Variants in ARHGAP26 observed in about 807,000 individuals in gnomAD.
The protein encoded by ARHGAP26 is rho GTPase-activating protein 26.
Under a neutral mutation model 104.8 loss-of-function variants are expected in ARHGAP26, and 38 were observed. That is an observed-to-expected ratio of 0.36 (90% CI 0.28 to 0.48). ARHGAP26 has a LOEUF of 0.48. ARHGAP26 is among the 20% of genes least tolerant of loss of function. The pLI is 0.99. For missense variants in ARHGAP26, 704 were observed against 947.9 expected, an observed-to-expected ratio of 0.74 and a Z score of 3.38; for synonymous variants, 341 against 340.0, an observed-to-expected ratio of 1.00 and a Z score of -0.03.
At chr5:142,988,186 C>T in intron 11 of ARHGAP26, among the ~76,000 whole-genome samples, 1 of 152,076 alleles carries the variant, frequency 6.6e-6, no homozygotes, top group East Asian at 1.9e-4. Flanking sequence ...TTGGTCTATT[C>T]AGGGATTCAA....
At chr5:143,020,655 T>G (rs1333298526) in intron 12 of ARHGAP26, among the ~76,000 whole-genome samples, 2 of 92,994 alleles carry the variant, frequency 2.2e-5, no homozygotes, top group Admixed American at 1.2e-4. Context: ...TTTTTTTTTT[T>G]TGAGATGGAG....
At chr5:143,206,938 G>T (rs763911326) in intron 20 of ARHGAP26, among the ~76,000 whole-genome samples, 1 of 152,200 alleles carries the variant, frequency 6.6e-6, no homozygotes, top group African/African-American at 2.4e-5. Context: ...GTACATGATC[G>T]AAGAAGCTTC....
At chr5:142,990,680 CAGTT>C (rs1775458494) in intron 11 of ARHGAP26, among the ~76,000 whole-genome samples, 1 of 152,202 alleles carries the variant, frequency 6.6e-6, no homozygotes, top group East Asian at 1.9e-4. Context: ...TTCCTTCTAA[CAGTT>C]AGGACTCTCA....
intron 1 of ARHGAP26, among the ~76,000 whole-genome samples, chr5:142,780,169 T>C (rs879920727): frequency 1.3e-5 from 2 of 152,242 alleles, no homozygotes; most frequent in Non-Finnish European, 2.9e-5. Flanking sequence ...TTATTCTACA[T>C]TGGTACATAG....
chr5:143,184,932 A>T (rs1804916673), intron 20 of ARHGAP26, among the ~76,000 whole-genome samples: 1 of 152,080 alleles, frequency 6.6e-6, no homozygotes, highest in Non-Finnish European at 1.5e-5. Context: ...TTATATTTTG[A>T]CTCAGCCACT....
chr5:142,953,042 G>C (rs1219541419), intron 11 of ARHGAP26, among the ~76,000 whole-genome samples: 5 of 152,096 alleles, frequency 3.3e-5, no homozygotes, highest in Non-Finnish European at 2.9e-5. Context: ...GATGATTGTA[G>C]CCACAATGTC....
intron 11 of ARHGAP26, chr5:143,010,838 A>G (rs1778623366): frequency 6.6e-6 from 1 of 152,336 alleles, no homozygotes; most frequent in South Asian, 2.1e-4. Context: ...TTTGCCAGCT[A>G]TAAATAGAAG....
chr5:143,016,510 C>T (rs1243707622), intron 12 of ARHGAP26, among the ~76,000 whole-genome samples: 1 of 152,160 alleles, frequency 6.6e-6, no homozygotes, highest in African/African-American at 2.4e-5. Context: ...AGAGACCAGC[C>T]TGGCCAACAT....
chr5:143,222,583 T>G lies in ARHGAP26; in HGVS notation c.*137T>G. ...GTTGCTACCTGTCAACATGAATGTT[T>G]CTGTGAGCTCTGGTGTCACTCATCT... is the stretch of plus-strand genomic sequence containing the variant. On this transcript the variant is annotated 3_prime_UTR_variant, in exon 23 of 23. Transcript: ENST00000645722. The G allele has an allele frequency of 1.7e-6, 1 of 582,838 alleles. No individual in the cohort carries two copies. The highest frequency in any genetic ancestry group is 2.8e-6 in the Non-Finnish European group (1 of 351,296). The allele number at this position is 582,838 out of a possible 1,614,324, so 36.1% of individuals were successfully genotyped here. A position where few individuals can be genotyped will look rare whatever the true frequency, so the allele number is the denominator to read the frequency against.
At chr5:142,929,745 A>G (rs980878680) in intron 10 of ARHGAP26, among the ~76,000 whole-genome samples, 2 of 152,192 alleles carry the variant, frequency 1.3e-5, no homozygotes, top group Non-Finnish European at 2.9e-5. Flanking sequence ...TGGAAATCTC[A>G]CACTGTGTGC....
chr5:143,161,004 A>ATTT (rs11361288), intron 20 of ARHGAP26, among the ~76,000 whole-genome samples: 5 of 93,540 alleles, frequency 5.3e-5, no homozygotes, highest in South Asian at 3.6e-4. Context: ...GCTATTTCAG[A>ATTT]TTTTTTTTTT....
chr5:143,051,483 A>G (rs1353752960), intron 14 of ARHGAP26, among the ~76,000 whole-genome samples: 1 of 152,232 alleles, frequency 6.6e-6, no homozygotes, highest in African/African-American at 2.4e-5. Flanking sequence ...ACTGAGTTCT[A>G]AAGAAGAGTG....
chr5:143,036,717 A>G (rs1027533910), intron 12 of ARHGAP26, among the ~76,000 whole-genome samples: 1 of 152,170 alleles, frequency 6.6e-6, no homozygotes, highest in East Asian at 1.9e-4. Flanking sequence ...TTCATCTGTA[A>G]TATGGGCTAG....
intron 1 of ARHGAP26, among the ~76,000 whole-genome samples, chr5:142,841,417 C>T (rs912200739): frequency 6.6e-6 from 1 of 152,162 alleles, no homozygotes; most frequent in African/African-American, 2.4e-5. Flanking sequence ...ATTGCCGTTA[C>T]GTTTACGGTG....
At chr5:142,825,637 C>T (rs749218177) in intron 1 of ARHGAP26, among the ~76,000 whole-genome samples, 1 of 152,156 alleles carries the variant, frequency 6.6e-6, no homozygotes, top group African/African-American at 2.4e-5. Context: ...AATTCCTTAG[C>T]GGGACGATAC....
chr5:143,078,884 G>A (rs1432597631), intron 17 of ARHGAP26, among the ~76,000 whole-genome samples: 1 of 152,188 alleles, frequency 6.6e-6, no homozygotes, highest in Non-Finnish European at 1.5e-5. Context: ...GAAACCGGTG[G>A]TTATGGTAGC....
intron 11 of ARHGAP26, among the ~76,000 whole-genome samples, chr5:142,978,118 A>T (rs912500016): frequency 4.0e-5 from 6 of 151,804 alleles, no homozygotes; most frequent in East Asian, 1.9e-4. Context: ...AGTCTTAAAA[A>T]TTTTTTTTCT....
At chr5:142,865,620 G>A (rs184564535) in intron 1 of ARHGAP26, among the ~76,000 whole-genome samples, 1 of 151,964 alleles carries the variant, frequency 6.6e-6, no homozygotes, top group East Asian at 1.9e-4. Flanking sequence ...CCTTGGCTGT[G>A]GTTGCACATT....
At chr5:143,131,065 A>G (rs1442319989) in intron 18 of ARHGAP26, among the ~76,000 whole-genome samples, 1 of 152,220 alleles carries the variant, frequency 6.6e-6, no homozygotes, top group African/African-American at 2.4e-5. Context: ...GCCCATGGCA[A>G]AAATCTCCTT....
Sources: allele counts gnomAD v4.1 joint callset (sites outside exome capture counted in the v4.1 genomes callset), GRCh38; gene constraint gnomAD v4.1.1; transcripts MANE v1.5; gene names NCBI Gene and HGNC (gene_info 2026-07-23, HGNC 2026-07-21).